The following MROH2B variants were observed in gnomAD, a reference collection of about 807,000 sequenced individuals.
MROH2B encodes maestro heat like repeat family member 2B.
Under a neutral mutation model 208.6 loss-of-function variants are expected in MROH2B, and 177 were observed. The ratio of observed to expected loss-of-function variants is 0.85; its 90% CI spans 0.75 to 0.96. MROH2B has a LOEUF of 0.96. Among genes scored for constraint, MROH2B ranks in the 40% least tolerant of loss-of-function variants. MROH2B has a pLI of 0.00. For synonymous variants in MROH2B, 728 were observed against 659.0 expected, an observed-to-expected ratio of 1.10 and a Z score of -1.60; for missense variants, 2,002 against 1,878.7, an observed-to-expected ratio of 1.07 and a Z score of -1.21.
At chr5:41,007,165 C>T in intron 34 of MROH2B, 149 bp downstream of exon 34, 4 of 689,310 alleles carry the variant, frequency 5.8e-6, no homozygotes, top group Non-Finnish European at 6.2e-6. Context: ...CTTCCCATTC[C>T]CTTTTCTTTC....
intron 1 of MROH2B, among the ~76,000 whole-genome samples, 177 bp downstream of exon 1, chr5:41,070,648 G>A (rs1579967359): frequency 6.6e-6 from 1 of 151,974 alleles, no homozygotes; most frequent in Non-Finnish European, 1.5e-5. Context: ...GTCTATTATT[G>A]GTCCTTCACA....
chr5:41,045,612 T>A, intron 18 of MROH2B, 134 bp downstream of exon 18: 1 of 671,984 alleles, frequency 1.5e-6, no homozygotes, highest in Non-Finnish European at 2.5e-6. Flanking sequence ...GCTAGTGGCC[T>A]TAAAAAGAGG....
At chr5:41,040,624 A>C (rs1232682904) in intron 19 of MROH2B, among the ~76,000 whole-genome samples, 1 of 152,200 alleles carries the variant, frequency 6.6e-6, no homozygotes, top group Non-Finnish European at 1.5e-5. Context: ...CTTAAAGTTA[A>C]GTAAAAAAGG....
At chr5:41,052,694 G>A in intron 11 of MROH2B, 107 bp from the exon 12 acceptor site, 1 of 1,088,066 alleles carries the variant, frequency 9.2e-7, no homozygotes, top group East Asian at 2.8e-5. Context: ...GAACATTTTT[G>A]AAAAAGGAAC....
intron 38 of MROH2B, 124 bp downstream of exon 38, chr5:41,000,554 G>T: frequency 7.3e-7 from 1 of 1,362,844 alleles, no homozygotes; most frequent in Non-Finnish European, 9.8e-7. Context: ...TGGAGAAGAG[G>T]TTTTCAGGTT....
rs565467959 is a variant in MROH2B at position 41,016,726 on chromosome 5, A to G, written c.2884+1124T>C. 3.3e-5 allele frequency among the ~76,000 whole-genome samples: 5 copies of G among 151,906 alleles called. No homozygotes were observed. In the East Asian group the frequency reaches 9.7e-4, roughly 30 times the overall value. On this transcript the variant is annotated intron_variant, in intron 28 of 41. Transcript: ENST00000399564. ...GAACTCCTGACCTCAAGTGACCCAT[A>G]TGCTTCGGGCTCCCAAAGTGCTGAG...
chr5:41,016,973 C>T (rs1474718315), intron 28 of MROH2B, among the ~76,000 whole-genome samples: 3 of 152,128 alleles, frequency 2.0e-5, no homozygotes, highest in Non-Finnish European at 4.4e-5. Context: ...TTGGCTTTAA[C>T]ACACTTATAA....
At chr5:41,037,449 G>A (rs1561293716) in intron 21 of MROH2B, among the ~76,000 whole-genome samples, 1 of 152,196 alleles carries the variant, frequency 6.6e-6, no homozygotes, top group Non-Finnish European at 1.5e-5. Flanking sequence ...TCTGAAGGCT[G>A]TGATTCATTA....
intron 31 of MROH2B, 136 bp downstream of exon 31, chr5:41,009,786 C>A: frequency 2.6e-6 from 2 of 768,844 alleles, no homozygotes; most frequent in South Asian, 5.3e-5. Flanking sequence ...GATTCAAATA[C>A]CAATTGTTAA....
chr5:41,036,235 G>A (rs1005301484), intron 21 of MROH2B, among the ~76,000 whole-genome samples: 1 of 151,998 alleles, frequency 6.6e-6, no homozygotes, highest in African/African-American at 2.4e-5. Context: ...GAAGGGACTT[G>A]GTGGGAAGTA....
chr5:41,015,546 T>C, intron 28 of MROH2B, 68 bp from the exon 29 acceptor site: 1 of 1,376,422 alleles, frequency 7.3e-7, no homozygotes, highest in Non-Finnish European at 1.0e-6. Flanking sequence ...AGGCTGGCTA[T>C]ATTTTGATAT....
chr5:41,018,885 G>A lies in MROH2B; in HGVS notation c.2575C>T (p.Gln859Ter). ...GQTDKDKEHIQFLYERSMDAL... is the reference protein window; with the variant it reads ...GQTDKDKEHI Reference sequence around the variant, plus strand: ...ACTTAGGCCTCACTAGTGCATACTTGAATGTGCTCCTTGTCCTTGTCTGTC... The same window carrying A: ...ACTTAGGCCTCACTAGTGCATACTTAAATGTGCTCCTTGTCCTTGTCTGTC... The change falls in exon 25 of 42, where the codon CAA (glutamine) becomes TAA (stop). Residue 859 changes from glutamine to a stop codon, truncating the protein, a stop_gained and splice_region_variant. Coordinates refer to ENST00000399564, the MANE Select transcript of MROH2B (RefSeq NM_173489.5). LOFTEE classifies it high-confidence loss of function. 6.2e-7 allele frequency: 1 copy of A among 1,613,886 alleles called. No homozygotes were observed. Among genetic ancestry groups the A allele is most frequent in the Admixed American group, 1.7e-5 (1 of 59,946 alleles).
intron 24 of MROH2B, among the ~76,000 whole-genome samples, chr5:41,030,893 T>C (rs570170096): frequency 6.6e-6 from 1 of 152,154 alleles, no homozygotes; most frequent in African/African-American, 2.4e-5. Flanking sequence ...TTTTATGTTT[T>C]ATTTATTTTG....
chr5:41,052,513 T>C lies in MROH2B; in HGVS notation c.1182A>G (p.Pro394=), dbSNP rs760652431. 7 of 1,612,794 alleles carry C rather than the reference T, an allele frequency of 4.3e-6. No homozygotes were observed. The Admixed American group carries it at 1.0e-4, about 23-fold the overall frequency. ...KSYIEAREGW[P]LIDYVFSQFA... ...ACTGGGAGAAGACATAATCAATCAA[T>C]GGCCATCCTTCCCGAGCTTCAATAT... Residue 394 remains proline (P), a synonymous_variant, in exon 12 of 42, where the codon CCA becomes CCG. Coordinates refer to ENST00000399564, the MANE Select transcript of MROH2B (RefSeq NM_173489.5).
Position 41,009,376 on chromosome 5 carries a change from A to G in MROH2B, c.3324T>C (p.Ala1108=), listed in dbSNP as rs1427185612. Residue 1108 remains alanine, a synonymous_variant, in exon 32 of 42, where the codon GCT becomes GCC. Coordinates refer to ENST00000399564, the MANE Select transcript of MROH2B (RefSeq NM_173489.5). Reference sequence around the variant, plus strand: ...GTTTCCCACTGGAGGCTGGCTTTTCAGCCAGCGCCTTCCACAATGTCTTTG... The same window carrying G: ...GTTTCCCACTGGAGGCTGGCTTTTCGGCCAGCGCCTTCCACAATGTCTTTG... ...RDTKTLWKAL[A]EKPASSGKLL... 1 of 1,613,882 alleles carries G rather than the reference A, an allele frequency of 6.2e-7. No individual in the cohort carries two copies. The highest frequency in any genetic ancestry group is 8.5e-7 in the Non-Finnish European group (1 of 1,179,802).
chr5:41,010,208 T>C lies in MROH2B; in HGVS notation c.3136-129A>G, dbSNP rs150570844. ...ATAATGTTAAAAATAATAATTGATT[T>C]CACATGTGGCCTATTTCTCACTCAG... On this transcript the variant is annotated intron_variant, in intron 30 of 41. Coordinates refer to ENST00000399564, the MANE Select transcript of MROH2B (RefSeq NM_173489.5). 514 of 844,578 alleles carry C rather than the reference T, an allele frequency of 6.1e-4. No homozygotes were observed. The African/African-American group carries it at 7.7e-3, about 13-fold the overall frequency. 52.3% of individuals were successfully genotyped at this position (844,578 alleles called of 1,614,324 possible). A position where few individuals can be genotyped will look rare whatever the true frequency, so the allele number is the denominator to read the frequency against.
chr5:41,013,144 A>T (rs1414387199), intron 29 of MROH2B, among the ~76,000 whole-genome samples: 1 of 152,238 alleles, frequency 6.6e-6, no homozygotes, highest in African/African-American at 2.4e-5. Flanking sequence ...AACCTTGAGA[A>T]TTCAGGAAAA....
chr5:41,006,921 A>T (rs535247460), intron 34 of MROH2B, among the ~76,000 whole-genome samples: 199 of 152,266 alleles, frequency 1.3e-3, no homozygotes, highest in African/African-American at 4.6e-3. Context: ...AAATCTCAGA[A>T]ATCATCACTA....
At position 41,018,966 on chromosome 5, in the gene MROH2B, T is replaced by G; in HGVS notation, c.2494A>C (p.Asn832His). The G allele has an allele frequency of 6.2e-7, 1 of 1,613,830 alleles. No individual in the cohort carries two copies. Among genetic ancestry groups the G allele is most frequent in the Non-Finnish European group, 8.5e-7 (1 of 1,179,846 alleles). Reference protein sequence around the residue: ...LQDHLNILEENIRRLLPLPPL... With the variant: ...LQDHLNILEEHIRRLLPLPPL... ...GGAAGGGGCAGCAGCCTCCGAATAT[T>G]CTCCTCAAGAATGTTAAGGTGGTCT... The change falls in exon 25 of 42, where the codon AAT (asparagine) becomes CAT (histidine). Residue 832 changes from asparagine to histidine, a missense_variant. By Grantham distance (68) the Asn-to-His change is moderately conservative. Transcript: ENST00000399564.
Sources: allele counts gnomAD v4.1 joint callset (sites outside exome capture counted in the v4.1 genomes callset), GRCh38; gene constraint gnomAD v4.1.1; transcripts MANE v1.5; gene names NCBI Gene and HGNC (gene_info 2026-07-23, HGNC 2026-07-21).